SNX16: variants seen among roughly 807,000 people sequenced by gnomAD.
The protein encoded by SNX16 is sorting nexin-16.
Under a neutral mutation model 36.7 loss-of-function variants are expected in SNX16, and 35 were observed. That is an observed-to-expected ratio of 0.95 (90% CI 0.73 to 1.27). The LOEUF (loss-of-function observed/expected upper bound fraction) is 1.27, where lower values mean the gene tolerates loss of function less well. Among genes scored for constraint, SNX16 ranks in the 50% most tolerant of loss-of-function variants. The probability of loss-of-function intolerance (pLI) is 0.00; values close to 1 mark genes in which losing one functional copy is unlikely to be tolerated. For synonymous variants in SNX16, 134 were observed against 132.0 expected (o/e 1.02, Z -0.10); for missense variants, 367 against 393.6 (o/e 0.93, Z 0.57).
intron 5 of SNX16, among the ~76,000 whole-genome samples, chr8:81,806,819 A>G (rs767230837): frequency 1.3e-5 from 2 of 152,164 alleles, no homozygotes; most frequent in Non-Finnish European, 2.9e-5. Flanking sequence ...TACAAAATAG[A>G]TATATAAAAA....
Position 81,829,428 on chromosome 8 carries a change from AC to A in SNX16, c.462+1del. On this transcript the variant is annotated splice_donor_variant, in intron 3 of 7. Transcript: ENST00000345957. LOFTEE classifies it high-confidence loss of function. The stretch of plus-strand genomic sequence containing the variant: ...TTAGTTTGGATTTATTATAGTACTT[AC>A]TTTGTCATTAAGCCTAGAGAAGTCA... 7.5e-7 allele frequency: 1 copy of A among 1,336,148 alleles called. No individual in the cohort carries two copies. Among genetic ancestry groups the A allele is most frequent in the Non-Finnish European group, 9.9e-7 (1 of 1,009,310 alleles). 82.8% of individuals were successfully genotyped at this position (1,336,148 alleles called of 1,614,324 possible).
At chr8:81,837,464 A>T (rs1378674701) in intron 2 of SNX16, among the ~76,000 whole-genome samples, 1 of 152,196 alleles carries the variant, frequency 6.6e-6, no homozygotes, top group African/African-American at 2.4e-5. Context: ...TAAACAAAGA[A>T]ATTTATTTCT....
At chr8:81,825,608 G>C (rs1810978668) in intron 3 of SNX16, among the ~76,000 whole-genome samples, 1 of 152,094 alleles carries the variant, frequency 6.6e-6, no homozygotes, top group Non-Finnish European at 1.5e-5. Flanking sequence ...CTAGCATAGT[G>C]CCTGCTACAT....
intron 3 of SNX16, among the ~76,000 whole-genome samples, chr8:81,825,835 AT>A (rs1810992282): frequency 6.6e-6 from 1 of 152,192 alleles, no homozygotes; most frequent in African/African-American, 2.4e-5. Flanking sequence ...AATAACTTAG[AT>A]AACTAAAACC....
rs969299856 is a variant in SNX16 at position 81,800,778 on chromosome 8, T to G, written c.*719A>C. 1 of 152,150 alleles carries G rather than the reference T, an allele frequency of 6.6e-6. No homozygotes were observed. Among genetic ancestry groups the G allele is most frequent in the African/African-American group, 2.4e-5 (1 of 41,428 alleles). The allele number at this position is 152,150 out of a possible 1,614,324, so 9.4% of individuals were successfully genotyped here. Reference sequence around the variant, plus strand: ...CAAACTCACTAAATCTAGGTAGAGATAAAGATTACGTGGAAACTAAACAAA... The same window carrying G: ...CAAACTCACTAAATCTAGGTAGAGAGAAAGATTACGTGGAAACTAAACAAA... On this transcript the variant is annotated 3_prime_UTR_variant, in exon 8 of 8. Coordinates refer to ENST00000345957, the MANE Select transcript of SNX16 (RefSeq NM_152836.3).
Position 81,840,014 on chromosome 8 carries a change from C to G in SNX16, c.-28G>C. The G allele has an allele frequency of 1.3e-6, 2 of 1,560,268 alleles. No homozygotes were observed. The highest frequency in any genetic ancestry group is 1.7e-6 in the Non-Finnish European group (2 of 1,157,308). On this transcript the variant is annotated 5_prime_UTR_variant, in exon 2 of 8. Coordinates refer to ENST00000345957, the MANE Select transcript of SNX16 (RefSeq NM_152836.3). ...TCTTTTGGCTTTTCCAACAAGCTTG[C>G]ACACTGTTGAGTCCACTTAGAGAAC... is the stretch of plus-strand genomic sequence containing the variant.
At chr8:81,820,704 T>G (rs752076539) in intron 4 of SNX16, among the ~76,000 whole-genome samples, 14 of 151,896 alleles carry the variant, frequency 9.2e-5, no homozygotes, top group Non-Finnish European at 2.1e-4. Context: ...CAAACAGCAC[T>G]GATCTCCCCG....
At chr8:81,815,553 A>C in intron 4 of SNX16, 159 bp from the exon 5 acceptor site, 1 of 499,136 alleles carries the variant, frequency 2.0e-6, no homozygotes, top group East Asian at 3.3e-5. Flanking sequence ...AGAAGATGCA[A>C]AGATCTTAAG....
At chr8:81,805,022 G>T (rs1809867818) in intron 5 of SNX16, among the ~76,000 whole-genome samples, 1 of 140,016 alleles carries the variant, frequency 7.1e-6, no homozygotes, top group African/African-American at 2.5e-5. Context: ...AAATTAGTAA[G>T]TTTGATATGA....
chr8:81,824,680 C>T (rs1200325175), intron 3 of SNX16, among the ~76,000 whole-genome samples: 1 of 152,060 alleles, frequency 6.6e-6, no homozygotes, highest in Admixed American at 6.6e-5. Flanking sequence ...CTTTCCCAAC[C>T]CTGTAAACTA....
At chr8:81,824,471 T>A (rs1021328) in intron 3 of SNX16, among the ~76,000 whole-genome samples, 26,485 of 152,114 alleles carry the variant, frequency 0.17, 2,606 homozygotes, top group South Asian at 0.25. Flanking sequence ...AGATTTTTTT[T>A]AATTTTAATG....
chr8:81,822,975 T>G (rs935863886), intron 4 of SNX16, among the ~76,000 whole-genome samples: 1 of 146,026 alleles, frequency 6.8e-6, no homozygotes, highest in African/African-American at 2.5e-5. Flanking sequence ...TATATATATA[T>G]ACACATATGT....
At chr8:81,805,270 A>T (rs1809878392) in intron 5 of SNX16, among the ~76,000 whole-genome samples, 1 of 152,122 alleles carries the variant, frequency 6.6e-6, no homozygotes, top group Admixed American at 6.5e-5. Flanking sequence ...AGAATTCTAA[A>T]TTTATGGAGC....
chr8:81,826,303 T>C (rs1254996461), intron 3 of SNX16, among the ~76,000 whole-genome samples: 1 of 152,114 alleles, frequency 6.6e-6, no homozygotes, highest in African/African-American at 2.4e-5. Flanking sequence ...GAATGCCTGG[T>C]TGCATCTGCC....
At position 81,823,926 on chromosome 8, in the gene SNX16, A is replaced by T. The variant is rs1338680128; in HGVS notation, c.477T>A (p.Phe159Leu). Residue 159 changes from phenylalanine (F) to leucine (L), a missense_variant, in exon 4 of 8, where the codon TTT (phenylalanine) becomes TTA (leucine). Physicochemically the swap from Phe to Leu is conservative, Grantham distance 22. Transcript: ENST00000345957. ...SRLNDKLKEMFPGFRLALPPK... is the reference protein window; with the variant it reads ...SRLNDKLKEMLPGFRLALPPK... ...GAGGAAGTGCTAGTCGAAAACCTGGAAACATCTCTTTTAACTGAAAAAGAA... is the reference window on the plus strand; with the variant it reads ...GAGGAAGTGCTAGTCGAAAACCTGGTAACATCTCTTTTAACTGAAAAAGAA... The T allele has an allele frequency of 1.2e-6, 2 of 1,609,626 alleles. No homozygotes were observed. Among genetic ancestry groups the T allele is most frequent in the Non-Finnish European group, 1.7e-6 (2 of 1,178,414 alleles).
chr8:81,832,847 G>A (rs1409466402), intron 2 of SNX16, among the ~76,000 whole-genome samples: 2 of 149,032 alleles, frequency 1.3e-5, no homozygotes, highest in Non-Finnish European at 3.0e-5. Context: ...GCACATACGA[G>A]ATACTCAATA....
intron 4 of SNX16, among the ~76,000 whole-genome samples, chr8:81,823,448 A>G (rs914291265): frequency 6.6e-6 from 1 of 152,080 alleles, no homozygotes; most frequent in African/African-American, 2.4e-5. Context: ...ATTACATAGT[A>G]TCATATTAAC....
intron 1 of SNX16, chr8:81,840,475 G>C (rs1811694994): frequency 6.6e-6 from 1 of 152,636 alleles, no homozygotes; most frequent in African/African-American, 2.4e-5. Flanking sequence ...AAAAAGAAAA[G>C]GAAGAAAACT....
chr8:81,803,239 AC>A lies in SNX16; in HGVS notation c.682-12del, dbSNP rs1809789101. On this transcript the variant is annotated splice_polypyrimidine_tract_variant and intron_variant, in intron 5 of 7. Transcript: ENST00000345957. ...AGTTTCACAGAATGCCTTAAAAAAA[AC>A]AACAAACAAAACTAAACACATGCAG... 1.9e-6 allele frequency: 3 copies of A among 1,591,146 alleles called. No individual in the cohort carries two copies. The highest frequency in any genetic ancestry group is 1.4e-5 in the African/African-American group (1 of 73,334).
Sources: gnomAD v4.1 joint callset for allele counts (sites outside exome capture counted in the v4.1 genomes callset) on GRCh38, gnomAD v4.1.1 for gene constraint, MANE v1.5 for transcripts, NCBI Gene and HGNC (gene_info 2026-07-23, HGNC 2026-07-21) for gene names.